The following NAV2 variants were observed in gnomAD, a reference collection of about 807,000 sequenced individuals.
NAV2 encodes neuron navigator 2.
NAV2 carries 54 observed loss-of-function variants against 223.2 expected under a neutral mutation model. The observed-to-expected ratio is 0.24, with a 90% CI of 0.19 to 0.30. The LOEUF (loss-of-function observed/expected upper bound fraction) is 0.30. Among genes scored for constraint, NAV2 ranks in the 10% least tolerant of loss-of-function variants. The pLI is 1.00. For missense variants in NAV2, 2,806 were observed against 3,147.5 expected, an observed-to-expected ratio of 0.89 and a Z score of 2.60; for synonymous variants, 1,279 against 1,239.3, an observed-to-expected ratio of 1.03 and a Z score of -0.67.
intron 1 of NAV2, among the ~76,000 whole-genome samples, chr11:19,704,024 G>C (rs572227494): frequency 6.6e-6 from 1 of 151,866 alleles, no homozygotes; most frequent in Non-Finnish European, 1.5e-5. Context: ...TTTTTTTTGG[G>C]GGGGTGGAAG....
At chr11:19,400,012 A>G (rs1849617574) in intron 1 of NAV2, among the ~76,000 whole-genome samples, 1 of 152,212 alleles carries the variant, frequency 6.6e-6, no homozygotes, top group African/African-American at 2.4e-5. Flanking sequence ...GGAGGAGACT[A>G]TGAGAATATG....
intron 1 of NAV2, among the ~76,000 whole-genome samples, chr11:19,600,186 G>A (rs2046315542): frequency 6.6e-6 from 1 of 152,316 alleles, no homozygotes; most frequent in African/African-American, 2.4e-5. Flanking sequence ...GAGGAACAAA[G>A]AAGCTGGGGT....
At position 19,831,265 on chromosome 11, in the gene NAV2, A is replaced by G. The variant is rs186430901; in HGVS notation, c.268-1219A>G. ...CGATGGGGAGTGGGGGGGGATGACC[A>G]TTGTGTGGGATTACACTGGGAAAGG... is the stretch of plus-strand genomic sequence containing the variant. On this transcript the variant is annotated intron_variant, in intron 1 of 37. Coordinates refer to ENST00000349880, the MANE Select transcript of NAV2 (RefSeq NM_145117.5). Among the ~76,000 whole-genome samples, 151 of 111,580 alleles carry G rather than the reference A, an allele frequency of 1.4e-3. 1 individual carries two copies. Among genetic ancestry groups the G allele is most frequent in the African/African-American group, 5.2e-3 (145 of 27,928 alleles). The allele number at this position is 111,580 out of a possible 152,430, so 73.2% of individuals were successfully genotyped here. A position where few individuals can be genotyped will look rare whatever the true frequency, so the allele number is the denominator to read the frequency against.
chr11:19,636,577 G>A (rs575429377), intron 1 of NAV2, among the ~76,000 whole-genome samples: 199 of 148,556 alleles, frequency 1.3e-3, no homozygotes, highest in Non-Finnish European at 2.4e-3. Flanking sequence ...TGCAAGCTCC[G>A]CCTCCCGGGT....
At chr11:19,782,968 G>T (rs1275092367) in intron 1 of NAV2, among the ~76,000 whole-genome samples, 1 of 152,194 alleles carries the variant, frequency 6.6e-6, no homozygotes, top group East Asian at 1.9e-4. Context: ...TGGGACAAGG[G>T]TAAGCACCTG....
intron 3 of NAV2, among the ~76,000 whole-genome samples, chr11:19,861,626 A>C (rs1347132628): frequency 6.6e-6 from 1 of 152,244 alleles, no homozygotes; most frequent in Non-Finnish European, 1.5e-5. Flanking sequence ...TAAATGCCAG[A>C]AACAAGATTT....
At chr11:19,600,257 C>T (rs1171973861) in intron 1 of NAV2, among the ~76,000 whole-genome samples, 1 of 152,170 alleles carries the variant, frequency 6.6e-6, no homozygotes, top group Non-Finnish European at 1.5e-5. Context: ...ATGAGAACCC[C>T]AGCACTTCTG....
intron 1 of NAV2, among the ~76,000 whole-genome samples, chr11:19,395,980 G>A (rs1187210659): frequency 6.6e-6 from 1 of 152,188 alleles, no homozygotes; most frequent in Non-Finnish European, 1.5e-5. Context: ...TTTTGAGTTG[G>A]CCTCAGGCAG....
At chr11:19,758,493 G>A (rs1328819609) in intron 1 of NAV2, among the ~76,000 whole-genome samples, 2 of 152,196 alleles carry the variant, frequency 1.3e-5, no homozygotes, top group African/African-American at 2.4e-5. Flanking sequence ...GTGATTGCAA[G>A]TGGGGTGACT....
intron 11 of NAV2, among the ~76,000 whole-genome samples, chr11:20,025,551 T>G (rs1308018811): frequency 6.6e-6 from 1 of 152,152 alleles, no homozygotes; most frequent in African/African-American, 2.4e-5. Context: ...GGTCTGGGCT[T>G]TCTAACGCGA....
At chr11:19,498,650 T>C (rs1205988563) in intron 1 of NAV2, among the ~76,000 whole-genome samples, 1 of 152,246 alleles carries the variant, frequency 6.6e-6, no homozygotes, top group Non-Finnish European at 1.5e-5. Flanking sequence ...TTTTATTCTG[T>C]TACATTCTTT....
At chr11:20,055,070 T>C (rs1328107118) in intron 18 of NAV2, among the ~76,000 whole-genome samples, 1 of 152,232 alleles carries the variant, frequency 6.6e-6, no homozygotes, top group Non-Finnish European at 1.5e-5. Context: ...TTTTCTAATC[T>C]CATCTCACTC....
intron 1 of NAV2, among the ~76,000 whole-genome samples, chr11:19,489,169 G>A (rs959098218): frequency 1.2e-4 from 18 of 152,278 alleles, no homozygotes; most frequent in African/African-American, 3.6e-4. Flanking sequence ...CAGCTGAGGG[G>A]GGGTCTCTGA....
At chr11:19,851,306 GA>G (rs980776539) in intron 3 of NAV2, among the ~76,000 whole-genome samples, 18 of 151,788 alleles carry the variant, frequency 1.2e-4, no homozygotes, top group South Asian at 2.1e-4. Flanking sequence ...GATTAAAGAA[GA>G]AAAAAAAGAC....
Position 20,035,876 on chromosome 11 carries a change from A to G in NAV2, c.2769-83A>G, listed in dbSNP as rs1007008724. 58 of 1,526,804 alleles carry G rather than the reference A, an allele frequency of 3.8e-5. No homozygotes were observed. The African/African-American group carries it at 6.8e-4, about 18-fold the overall frequency. The allele number at this position is 1,526,804 out of a possible 1,614,324, so 94.6% of individuals were successfully genotyped here. On this transcript the variant is annotated intron_variant, in intron 11 of 37. Transcript: ENST00000349880. ...TGGCACAGATTGGATCTTTTCGGGGATGGTGTTTGTCTGTCTGTGTCATCA... is the reference window on the plus strand; with the variant it reads ...TGGCACAGATTGGATCTTTTCGGGGGTGGTGTTTGTCTGTCTGTGTCATCA...
At chr11:19,756,377 G>C (rs1270176977) in intron 1 of NAV2, among the ~76,000 whole-genome samples, 1 of 152,186 alleles carries the variant, frequency 6.6e-6, no homozygotes, top group Admixed American at 6.5e-5. Flanking sequence ...AGGAGGACAT[G>C]AATTTTTGGC....
At chr11:20,083,908 A>T (rs182411367) in intron 26 of NAV2, among the ~76,000 whole-genome samples, 1 of 152,190 alleles carries the variant, frequency 6.6e-6, no homozygotes, top group African/African-American at 2.4e-5. Flanking sequence ...CCCTAAGTCC[A>T]CTTAACCAGC....
At chr11:19,486,229 G>A (rs994128853) in intron 1 of NAV2, among the ~76,000 whole-genome samples, 3 of 152,100 alleles carry the variant, frequency 2.0e-5, no homozygotes, top group African/African-American at 7.2e-5. Context: ...CTGGCTGCCC[G>A]GAAACAGGAA....
Position 19,754,175 on chromosome 11 carries a change from C to T in NAV2, c.267+40213C>T, listed in dbSNP as rs556011899. Among the ~76,000 whole-genome samples, 22 of 152,322 alleles carry T rather than the reference C, an allele frequency of 1.4e-4. No individual in the cohort carries two copies. In the South Asian group the frequency reaches 4.6e-3, roughly 32 times the overall value. ...TTGGCCATTTGAGCTTTTCAATGCC[C>T]TTCCTCCCAACTTTTCCCCTTTCCC... On this transcript the variant is annotated intron_variant, in intron 1 of 37. Coordinates refer to ENST00000349880, the MANE Select transcript of NAV2 (RefSeq NM_145117.5).
Sources: gnomAD v4.1 joint callset for allele counts (sites outside exome capture counted in the v4.1 genomes callset) on GRCh38, gnomAD v4.1.1 for gene constraint, MANE v1.5 for transcripts, NCBI Gene and HGNC (gene_info 2026-07-23, HGNC 2026-07-21) for gene names.